The following WDR27 variants were observed in gnomAD, a reference collection of about 807,000 sequenced individuals.
WDR27 encodes WD repeat domain 27.
Under a neutral mutation model 114.4 loss-of-function variants are expected in WDR27, and 100 were observed. The ratio of observed to expected loss-of-function variants is 0.87; its 90% confidence interval spans 0.74 to 1.03. The LOEUF (loss-of-function observed/expected upper bound fraction) is 1.03, where lower values mean the gene tolerates loss of function less well. Among genes scored for constraint, WDR27 ranks in the 50% least tolerant of loss-of-function variants. WDR27 has a pLI of 0.00. For missense variants in WDR27, 1,129 were observed against 1,092.9 expected (o/e 1.03, Z -0.47); for synonymous variants, 449 against 423.1 (o/e 1.06, Z -0.75).
chr6:169,642,252 C>T lies in WDR27; in HGVS notation c.1747+1445G>A, dbSNP rs139652181. Among the ~76,000 whole-genome samples, 404 of 152,244 alleles carry T rather than the reference C, an allele frequency of 2.7e-3. 2 individuals are homozygous for T. The highest frequency in any genetic ancestry group is 9.4e-3 in the African/African-American group (389 of 41,554). ...ATGCCACTATTAAACGTTACACACC[C>T]AAAGTGAAACGATGTGGCTTGTGCA... On this transcript the variant is annotated intron_variant, in intron 17 of 25. Transcript: ENST00000448612.
chr6:169,454,016 T>C (rs2115232719), downstream of WDR27, among the ~76,000 whole-genome samples: 1 of 152,290 alleles, frequency 6.6e-6, no homozygotes, highest in Admixed American at 6.5e-5. Context: ...AGTATGTTAA[T>C]GCTACAATAA....
chr6:169,533,597 G>C (rs1362719007), intron 25 of WDR27, among the ~76,000 whole-genome samples: 2 of 152,194 alleles, frequency 1.3e-5, no homozygotes, highest in East Asian at 3.9e-4. Flanking sequence ...AGAGGCAAGA[G>C]GGAATGAGCA....
At chr6:169,691,559 G>A (rs1444050837) in intron 1 of WDR27, among the ~76,000 whole-genome samples, 1 of 152,140 alleles carries the variant, frequency 6.6e-6, no homozygotes, top group Non-Finnish European at 1.5e-5. Flanking sequence ...GGAGACAGAT[G>A]AAGAATACAT....
intron 2 of WDR27, among the ~76,000 whole-genome samples, chr6:169,686,077 C>A (rs1011362864): frequency 6.6e-6 from 1 of 152,070 alleles, no homozygotes; most frequent in East Asian, 1.9e-4. Context: ...AACTTCCAGC[C>A]AAGAATATTA....
chr6:169,475,101 A>G (rs1273616794), intron 25 of WDR27, among the ~76,000 whole-genome samples: 5 of 152,270 alleles, frequency 3.3e-5, no homozygotes, highest in African/African-American at 1.2e-4. Context: ...TTCATTGAAA[A>G]TAATTCTGTA....
the WDR27 span, among the ~76,000 whole-genome samples, chr6:169,429,430 C>CT: frequency 0.039 from 5,604 of 142,166 alleles, 183 homozygotes; most frequent in East Asian, 0.11. Context: ...AGACTGAGTC[C>CT]TTTTTTTTTT....
At chr6:169,480,250 C>T (rs1043694171) in intron 25 of WDR27, among the ~76,000 whole-genome samples, 5 of 152,210 alleles carry the variant, frequency 3.3e-5, no homozygotes, top group South Asian at 2.1e-4. Context: ...CTCGAATTCT[C>T]GCCAGGCTTC....
chr6:169,623,196 C>G (rs181741463), intron 21 of WDR27, among the ~76,000 whole-genome samples: 8 of 152,112 alleles, frequency 5.3e-5, no homozygotes, highest in Non-Finnish European at 1.2e-4. Flanking sequence ...GCTGGTCGTG[C>G]GGCCCCCACC....
intron 1 of WDR27, among the ~76,000 whole-genome samples, chr6:169,693,945 T>C (rs1243382536): frequency 6.6e-6 from 1 of 152,146 alleles, no homozygotes; most frequent in Non-Finnish European, 1.5e-5. Context: ...AACAGAAAGT[T>C]AACAAAGAAA....
intron 21 of WDR27, among the ~76,000 whole-genome samples, chr6:169,617,879 C>T (rs1812239755): frequency 6.6e-6 from 1 of 152,202 alleles, no homozygotes; most frequent in African/African-American, 2.4e-5. Context: ...AACTCTGCAG[C>T]TCGATTTTAC....
chr6:169,546,036 G>C (rs1384594220), intron 25 of WDR27, among the ~76,000 whole-genome samples: 1 of 151,882 alleles, frequency 6.6e-6, no homozygotes, highest in Non-Finnish European at 1.5e-5. Context: ...AGCCTCGCCG[G>C]CCATTAAGGA....
chr6:169,491,496 T>A (rs965606101), intron 25 of WDR27, among the ~76,000 whole-genome samples: 15 of 151,882 alleles, frequency 9.9e-5, no homozygotes, highest in Middle Eastern at 3.4e-3. Flanking sequence ...TATATAGAAA[T>A]TATATATAAA....
intron 25 of WDR27, among the ~76,000 whole-genome samples, chr6:169,504,127 A>G (rs1347409630): frequency 3.3e-5 from 5 of 152,210 alleles, no homozygotes; most frequent in African/African-American, 4.8e-5. Flanking sequence ...AATGTGGTAA[A>G]ATATTATCAG....
Position 169,659,221 on chromosome 6 carries a change from G to A in WDR27, c.1198-14C>T, listed in dbSNP as rs1271092551. 1.9e-6 allele frequency: 3 copies of A among 1,583,044 alleles called. No homozygotes were observed. In the African/African-American group the frequency reaches 4.1e-5, roughly 22 times the overall value. ...CAAGCACAGCACCTGCAGGGACGCGGTTTCAACATCGTTAGCGACACCACC... is the reference window on the plus strand; with the variant it reads ...CAAGCACAGCACCTGCAGGGACGCGATTTCAACATCGTTAGCGACACCACC... On this transcript the variant is annotated splice_polypyrimidine_tract_variant and intron_variant, in intron 11 of 25. Transcript: ENST00000448612. This position sits in a 1 kb window ranked among gnomAD's most constrained non-coding sequence, Gnocchi z 4.3.
chr6:169,691,133 T>C (rs1784398540), intron 1 of WDR27, among the ~76,000 whole-genome samples: 1 of 152,042 alleles, frequency 6.6e-6, no homozygotes, highest in Non-Finnish European at 1.5e-5. Flanking sequence ...GAGAATGGCG[T>C]GAACCTGGGA....
At chr6:169,470,394 C>G (rs1019525223) in intron 25 of WDR27, among the ~76,000 whole-genome samples, 1 of 152,216 alleles carries the variant, frequency 6.6e-6, no homozygotes, top group Non-Finnish European at 1.5e-5. Context: ...CTTCCACATT[C>G]GTAAGTATTT....
chr6:169,527,882 C>A (rs1285367791), intron 25 of WDR27, among the ~76,000 whole-genome samples: 1 of 152,024 alleles, frequency 6.6e-6, no homozygotes, highest in African/African-American at 2.4e-5. Flanking sequence ...GCTACATAAT[C>A]AAAATTGATA....
Position 169,630,731 on chromosome 6 carries a change from T to C in WDR27, c.2223+2216A>G, listed in dbSNP as rs370741432. 9.9e-5 allele frequency among the ~76,000 whole-genome samples: 15 copies of C among 152,028 alleles called. No homozygotes were observed. The East Asian group carries it at 2.5e-3, about 26-fold the overall frequency. On this transcript the variant is annotated intron_variant, in intron 21 of 25. Transcript: ENST00000448612. ...CAACATGGTGAAACTCCATCTCTACTAAAAATACAAAAATTAGCCAGGCGT... is the reference window on the plus strand; with the variant it reads ...CAACATGGTGAAACTCCATCTCTACCAAAAATACAAAAATTAGCCAGGCGT...
chr6:169,623,046 C>T (rs1281813757), intron 21 of WDR27, among the ~76,000 whole-genome samples: 2 of 152,134 alleles, frequency 1.3e-5, no homozygotes, highest in African/African-American at 4.8e-5. Context: ...AAGATTCTGA[C>T]CACCTCCCCC....
Sources: allele counts gnomAD v4.1 joint callset (sites outside exome capture counted in the v4.1 genomes callset), GRCh38; gene constraint gnomAD v4.1.1; non-coding constraint Gnocchi (gnomAD v3.1); transcripts MANE v1.5; gene names NCBI Gene and HGNC (gene_info 2026-07-23, HGNC 2026-07-21).